RASGEF1C: variants seen among roughly 807,000 people sequenced by gnomAD.
RASGEF1C encodes the protein ras-GEF domain-containing family member 1C.
Under a neutral mutation model 58.1 loss-of-function variants are expected in RASGEF1C, and 27 were observed. The observed-to-expected ratio is 0.46, with a 90% CI of 0.34 to 0.64. The LOEUF (loss-of-function observed/expected upper bound fraction) is 0.64, where lower values mean the gene tolerates loss of function less well. RASGEF1C is among the 30% of genes least tolerant of loss of function. The pLI, the probability that RASGEF1C is intolerant of heterozygous loss-of-function variation, is 0.01. For missense variants in RASGEF1C, 502 were observed against 605.1 expected, an observed-to-expected ratio of 0.83 and a Z score of 1.79; for synonymous variants, 243 against 246.3, an observed-to-expected ratio of 0.99 and a Z score of 0.13.
intron 1 of RASGEF1C, among the ~76,000 whole-genome samples, chr5:180,189,718 TTG>T (rs1339183058): frequency 6.6e-6 from 1 of 150,712 alleles, no homozygotes; most frequent in Non-Finnish European, 1.5e-5. Flanking sequence ...GGTCAAAAGT[TTG>T]AGACCAGCCT....
At chr5:180,131,219 C>T (rs563824390) in intron 4 of RASGEF1C, among the ~76,000 whole-genome samples, 13 of 152,256 alleles carry the variant, frequency 8.5e-5, no homozygotes, top group African/African-American at 2.9e-4. Flanking sequence ...GCCTCCATGG[C>T]TTGTGCAAAG....
At chr5:180,166,368 A>T (rs1181142546) in intron 1 of RASGEF1C, among the ~76,000 whole-genome samples, 1 of 152,064 alleles carries the variant, frequency 6.6e-6, no homozygotes, top group Admixed American at 6.5e-5. Context: ...TTCATTCCCC[A>T]TGTATGTGTC....
At chr5:180,117,986 TCC>T (rs1766097293) in intron 10 of RASGEF1C, among the ~76,000 whole-genome samples, 1 of 92,306 alleles carries the variant, frequency 1.1e-5, no homozygotes, top group Non-Finnish European at 2.0e-5. Flanking sequence ...AGAGAGAGAC[TCC>T]ATCTCCAAAA....
intron 6 of RASGEF1C, among the ~76,000 whole-genome samples, chr5:180,126,379 C>A (rs1766261801): frequency 6.6e-6 from 1 of 152,146 alleles, no homozygotes; most frequent in African/African-American, 2.4e-5. Flanking sequence ...TGCACTCCAG[C>A]CTGGGCGACA....
intron 1 of RASGEF1C, 71 bp from the exon 2 acceptor site, chr5:180,138,129 G>A (rs1314033699): frequency 4.1e-6 from 4 of 965,156 alleles, no homozygotes; most frequent in Non-Finnish European, 5.9e-6. Context: ...AGTGGGAGCT[G>A]CTGGTCCCGG....
At chr5:180,108,921 G>A (rs996672832) in intron 12 of RASGEF1C, among the ~76,000 whole-genome samples, 1 of 152,176 alleles carries the variant, frequency 6.6e-6, no homozygotes, top group African/African-American at 2.4e-5. Context: ...AATGGAAGAT[G>A]CCCCTCTCTA....
chr5:180,121,352 C>T (rs901166703), intron 6 of RASGEF1C, among the ~76,000 whole-genome samples: 9 of 150,896 alleles, frequency 6.0e-5, no homozygotes, highest in East Asian at 3.9e-4. Context: ...CCCGCTCTGT[C>T]GCCCAGGCTG....
intron 1 of RASGEF1C, among the ~76,000 whole-genome samples, chr5:180,195,754 G>A (rs1349734449): frequency 2.0e-5 from 3 of 150,478 alleles, no homozygotes; most frequent in African/African-American, 7.4e-5. Flanking sequence ...GACAGAGCGA[G>A]ACTCCGTCTC....
intron 1 of RASGEF1C, among the ~76,000 whole-genome samples, chr5:180,185,193 G>C (rs1756011835): frequency 6.6e-6 from 1 of 152,058 alleles, no homozygotes; most frequent in African/African-American, 2.4e-5. Flanking sequence ...TTGGGAGGCT[G>C]CGGCAGGAGA....
At chr5:180,119,313 A>G (rs767263662) in intron 8 of RASGEF1C, 33 bp downstream of exon 8, 3 of 1,558,068 alleles carry the variant, frequency 1.9e-6, no homozygotes, top group Non-Finnish European at 2.7e-6. Context: ...GGACCCGTGC[A>G]CTGGGGGCCA....
intron 10 of RASGEF1C, among the ~76,000 whole-genome samples, chr5:180,117,923 G>A (rs577561243): frequency 4.6e-4 from 70 of 151,744 alleles, no homozygotes; most frequent in African/African-American, 1.6e-3. Flanking sequence ...GAACCCAGGA[G>A]GTGGAGGTTG....
At chr5:180,111,307 G>A in intron 12 of RASGEF1C, 150 bp downstream of exon 12, 1 of 1,024,918 alleles carries the variant, frequency 9.8e-7, no homozygotes. Flanking sequence ...CAGCCAGGGG[G>A]ATGGAGCCCT....
At chr5:180,145,177 G>A (rs1173773738) in intron 1 of RASGEF1C, among the ~76,000 whole-genome samples, 1 of 152,060 alleles carries the variant, frequency 6.6e-6, no homozygotes, top group Non-Finnish European at 1.5e-5. Flanking sequence ...CTGGAGTGCC[G>A]TGGTGCAATC....
In RASGEF1C at chr5:180,179,603, T is replaced by A. The variant is rs1213731944; in HGVS notation, c.-7+29425A>T. On this transcript the variant is annotated intron_variant, in intron 1 of 13. Coordinates refer to ENST00000361132, the MANE Select transcript of RASGEF1C (RefSeq NM_175062.4). The stretch of plus-strand genomic sequence containing the variant: ...GTGATCAATACAGCAGCTGCCAGGG[T>A]GAGGAGGCTCCCACGCTGCCGAGAG... Among the ~76,000 whole-genome samples the A allele has an allele frequency of 2.0e-5, 3 of 151,966 alleles. No homozygotes were observed. In the East Asian group the frequency reaches 5.8e-4, roughly 29 times the overall value.
chr5:180,128,352 T>C (rs1766299472), intron 5 of RASGEF1C, 58 bp downstream of exon 5: 2 of 1,460,686 alleles, frequency 1.4e-6, no homozygotes, highest in South Asian at 2.3e-5. Context: ...GAGGGCACAG[T>C]GTATCTGTGT....
chr5:180,127,763 C>A, intron 5 of RASGEF1C, 80 bp from the exon 6 acceptor site: 2 of 1,357,452 alleles, frequency 1.5e-6, no homozygotes, highest in South Asian at 1.3e-5. Context: ...CCGTGGTGCC[C>A]CAGCCCCTAG....
chr5:180,115,875 A>C, intron 10 of RASGEF1C, among the ~76,000 whole-genome samples: 5 of 137,580 alleles, frequency 3.6e-5, no homozygotes, highest in Admixed American at 7.1e-5. Flanking sequence ...GTGGGGGGGG[A>C]TTGTGGGGGT....
chr5:180,121,202 C>T, intron 6 of RASGEF1C, 53 bp from the exon 7 acceptor site: 1 of 1,253,326 alleles, frequency 8.0e-7, no homozygotes, highest in Non-Finnish European at 1.2e-6. Context: ...TGTCTATCAT[C>T]TTTTAGAGCA....
intron 1 of RASGEF1C, among the ~76,000 whole-genome samples, chr5:180,201,966 C>G (rs185222846): frequency 1.2e-4 from 19 of 152,218 alleles, no homozygotes; most frequent in African/African-American, 4.1e-4. Context: ...GTTTCTGATA[C>G]AGATGAACAG....
Sources: allele counts gnomAD v4.1 joint callset (sites outside exome capture counted in the v4.1 genomes callset), GRCh38; gene constraint gnomAD v4.1.1; transcripts MANE v1.5; gene names NCBI Gene and HGNC (gene_info 2026-07-23, HGNC 2026-07-21).